The following TNNC2 variants were observed in gnomAD, a reference collection of about 807,000 sequenced individuals.
TNNC2 encodes the protein troponin C2, fast skeletal type.
Under a neutral mutation model 20.0 loss-of-function variants are expected in TNNC2, and 14 were observed. The observed-to-expected ratio is 0.70, with a 90% CI of 0.46 to 1.09. The LOEUF (loss-of-function observed/expected upper bound fraction) is 1.09, where lower values mean the gene tolerates loss of function less well. Among genes scored for constraint, TNNC2 ranks in the 50% least tolerant of loss-of-function variants. The pLI is 0.00. For synonymous variants in TNNC2, 81 were observed against 77.3 expected, an observed-to-expected ratio of 1.05 and a Z score of -0.25; for missense variants, 163 against 223.8, an observed-to-expected ratio of 0.73 and a Z score of 1.73.
chr20:45,824,978 G>T, intron 1 of TNNC2, 144 bp from the exon 2 acceptor site: 2 of 870,916 alleles, frequency 2.3e-6, no homozygotes, highest in Non-Finnish European at 3.7e-6. Flanking sequence ...ATAATTGTGT[G>T]CCCGCACAGC....
intron 1 of TNNC2, among the ~76,000 whole-genome samples, 173 bp from the exon 2 acceptor site, chr20:45,825,007 TTTG>T (rs1982931276): frequency 6.6e-6 from 1 of 152,172 alleles, no homozygotes; most frequent in South Asian, 2.1e-4. Flanking sequence ...ACAGTTTTGT[TTTG>T]TCTCGTTCTG....
At chr20:45,825,254 G>T (rs1333805532) in intron 1 of TNNC2, among the ~76,000 whole-genome samples, 1 of 152,118 alleles carries the variant, frequency 6.6e-6, no homozygotes, top group Admixed American at 6.5e-5. Context: ...TAGGATTACA[G>T]GCTTGAGCCA....
chr20:45,827,323 G>T (rs1982999064), upstream of TNNC2: 1 of 1,604,098 alleles, frequency 6.2e-7, no homozygotes, highest in Non-Finnish European at 8.5e-7. Flanking sequence ...GACCTGGCCT[G>T]CTCTAGCCCC....
upstream of TNNC2, chr20:45,827,447 T>C (rs1465126602): frequency 5.0e-5 from 31 of 622,440 alleles, no homozygotes. Context: ...TCTGAACCCA[T>C]TACCTAATTT....
rs942535133 is a variant in TNNC2, at chr20:45,823,290, G to A, written c.*58C>T. 63 of 1,493,936 alleles carry A rather than the reference G, an allele frequency of 4.2e-5. No homozygotes were observed. The Admixed American group carries it at 1.2e-3, about 28-fold the overall frequency. The allele number at this position is 1,493,936 out of a possible 1,614,324, so 92.5% of individuals were successfully genotyped here. A position where few individuals can be genotyped will look rare whatever the true frequency, so the allele number is the denominator to read the frequency against. Reference sequence around the variant, plus strand: ...CGCCTCCCTGGTGGGGACCCGGCAGGGCGGAGTCTCCCACACCCTAGGGAC... The same window carrying A: ...CGCCTCCCTGGTGGGGACCCGGCAGAGCGGAGTCTCCCACACCCTAGGGAC... On this transcript the variant is annotated 3_prime_UTR_variant, in exon 6 of 6. Coordinates refer to ENST00000372555, the MANE Select transcript of TNNC2 (RefSeq NM_003279.3). This position sits in a 1 kb window ranked among gnomAD's most constrained non-coding sequence, Gnocchi z 4.6.
Position 45,823,547 on chromosome 20 carries a change from T to G in TNNC2, c.452-168A>C, listed in dbSNP as rs1032973827. Among the ~76,000 whole-genome samples, 1 of 152,148 alleles carries G rather than the reference T, an allele frequency of 6.6e-6. No homozygotes were observed. The highest frequency in any genetic ancestry group is 2.4e-5 in the African/African-American group (1 of 41,438). On this transcript the variant is annotated intron_variant, in intron 5 of 5. Coordinates refer to ENST00000372555, the MANE Select transcript of TNNC2 (RefSeq NM_003279.3). The surrounding 1 kb of genome is among the most constrained non-coding windows in gnomAD (Gnocchi z 4.6). ...GTCTGTCACCCAGGCTAGAGTGCAG[T>G]GGCACAATCATAACTCATTGCAGCC...
At position 45,823,449 on chromosome 20, in the gene TNNC2, C is replaced by T. The variant is rs1047483525; in HGVS notation, c.452-70G>A. 9.7e-6 allele frequency: 14 copies of T among 1,449,556 alleles called. No individual in the cohort carries two copies. In the Admixed American group the frequency reaches 2.2e-4, roughly 23 times the overall value. The allele number at this position is 1,449,556 out of a possible 1,614,324, so 89.8% of individuals were successfully genotyped here. On this transcript the variant is annotated intron_variant, in intron 5 of 5. Coordinates refer to ENST00000372555, the MANE Select transcript of TNNC2 (RefSeq NM_003279.3). This position sits in a 1 kb window ranked among gnomAD's most constrained non-coding sequence, Gnocchi z 4.6. Reference sequence around the variant, plus strand: ...GCAGAGGCCAGGCCAGGGCTCCAGCCACACAGAGGGGATGACTTTTTGTTT... The same window carrying T: ...GCAGAGGCCAGGCCAGGGCTCCAGCTACACAGAGGGGATGACTTTTTGTTT...
At chr20:45,826,005 A>ACCCCCCCCCCCCCCCCCC (rs111300154) in intron 1 of TNNC2, among the ~76,000 whole-genome samples, 1 of 144,010 alleles carries the variant, frequency 6.9e-6, no homozygotes, top group African/African-American at 2.7e-5. Context: ...CAAGTCGGGA[A>ACCCCCCCCCCCCCCCCCC]CCCCCCCCAC....
upstream of TNNC2, among the ~76,000 whole-genome samples, chr20:45,832,101 C>T (rs117728211): frequency 9.5e-3 from 1,447 of 152,250 alleles, 21 homozygotes; most frequent in South Asian, 0.05. Flanking sequence ...CACTTGAGGC[C>T]AGGTGTTCCA....
Position 45,824,058 on chromosome 20 carries a change from C to G in TNNC2, c.384G>C (p.Thr128=), listed in dbSNP as rs4629. 6.2e-7 allele frequency: 1 copy of G among 1,613,850 alleles called. No homozygotes were observed. The change falls in exon 5 of 6, where the codon ACG becomes ACC. Residue 128 remains threonine, a synonymous_variant. Transcript: ENST00000372555. The stretch of plus-strand genomic sequence containing the variant: ...TCATCAGAGATTCGATCTCCTCGTC[C>G]GTCACGTGCTCCCCGGAGGCCCTGA... ...EIFRASGEHV[T]DEEIESLMKD...
intron 1 of TNNC2, among the ~76,000 whole-genome samples, chr20:45,825,416 C>T (rs1395511168): frequency 1.3e-5 from 2 of 152,134 alleles, no homozygotes; most frequent in Non-Finnish European, 2.9e-5. Context: ...CTCAGCCTCT[C>T]GAGTAGCTGG....
upstream of TNNC2, among the ~76,000 whole-genome samples, chr20:45,829,913 C>G (rs1198500642): frequency 6.6e-6 from 1 of 151,776 alleles, no homozygotes; most frequent in African/African-American, 2.4e-5. Flanking sequence ...AGCCTTTGTT[C>G]TTTTGTTTAT....
At position 45,823,266 on chromosome 20, in the gene TNNC2, G is replaced by A. The variant is rs926022368; in HGVS notation, c.*82C>T. ...CAGACAAAGACCCACAAGGGGTCGCGCCTCCCTGGTGGGGACCCGGCAGGG... is the reference window on the plus strand; with the variant it reads ...CAGACAAAGACCCACAAGGGGTCGCACCTCCCTGGTGGGGACCCGGCAGGG... On this transcript the variant is annotated 3_prime_UTR_variant, in exon 6 of 6. Transcript: ENST00000372555. This position sits in a 1 kb window ranked among gnomAD's most constrained non-coding sequence, Gnocchi z 4.6. The A allele has an allele frequency of 6.0e-6, 8 of 1,343,902 alleles. No homozygotes were observed. The highest frequency in any genetic ancestry group is 8.0e-6 in the Non-Finnish European group (8 of 995,318). The allele number at this position is 1,343,902 out of a possible 1,614,324, so 83.2% of individuals were successfully genotyped here.
upstream of TNNC2, among the ~76,000 whole-genome samples, chr20:45,831,383 C>A (rs1434318304): frequency 2.6e-5 from 4 of 152,192 alleles, no homozygotes; most frequent in African/African-American, 9.7e-5. Context: ...TCGAGACCAG[C>A]CTGGCCAACA....
intron 1 of TNNC2, among the ~76,000 whole-genome samples, chr20:45,825,301 T>G (rs2145727257): frequency 6.6e-6 from 1 of 151,544 alleles, no homozygotes; most frequent in African/African-American, 2.4e-5. Context: ...TTGTTTTTGC[T>G]TTTTGTTTTT....
chr20:45,830,335 CAAAAAAAAAAAAA>C (rs781603612), upstream of TNNC2, among the ~76,000 whole-genome samples: 2 of 54,194 alleles, frequency 3.7e-5, no homozygotes, highest in Non-Finnish European at 8.2e-5. Flanking sequence ...GACTGCATCT[CAAAAAAAAAAAAA>C]AAAAAAAAAA....
Position 45,824,806 on chromosome 20 carries a change from T to G in TNNC2, c.32A>C (p.Tyr11Ser), listed in dbSNP as rs757123813. Residue 11 changes from tyrosine to serine, a missense_variant, in exon 2 of 6, where the codon TAC becomes TCC. Transcript: ENST00000372555. ...ACCAGCGATCATCTCTTCGCTGAGG[T>G]AGGACCTGGCCTCAGCCTGCTGGTC... is the stretch of plus-strand genomic sequence containing the variant. Reference protein sequence around the residue: MTDQQAEARSYLSEEMIAEFK... With the variant: MTDQQAEARSSLSEEMIAEFK... 6 of 1,609,992 alleles carry G rather than the reference T, an allele frequency of 3.7e-6. No individual in the cohort carries two copies. Among genetic ancestry groups the G allele is most frequent in the Non-Finnish European group, 5.1e-6 (6 of 1,178,728 alleles).
chr20:45,832,925 T>C (rs1018702947), intron 2 of TNNC2, among the ~76,000 whole-genome samples: 8 of 152,220 alleles, frequency 5.3e-5, no homozygotes. Context: ...GTGGATCACT[T>C]GAGCCCAGGA....
In TNNC2 at chr20:45,826,734, C is replaced by T. The variant is rs936376675; in HGVS notation, c.3+512G>A. On this transcript the variant is annotated intron_variant, in intron 1 of 5. Transcript: ENST00000372555. ...AAATCAGAAGCCCTCTCTAGGAGAGCGGAGTCTCTCTAACTCTGGTCTGTC... is the reference window on the plus strand; with the variant it reads ...AAATCAGAAGCCCTCTCTAGGAGAGTGGAGTCTCTCTAACTCTGGTCTGTC... Among the ~76,000 whole-genome samples, 28 of 152,222 alleles carry T rather than the reference C, an allele frequency of 1.8e-4. 1 individual carries two copies. The highest frequency in any genetic ancestry group is 5.8e-4 in the African/African-American group (24 of 41,460).
Sources: allele counts gnomAD v4.1 joint callset (sites outside exome capture counted in the v4.1 genomes callset), GRCh38; gene constraint gnomAD v4.1.1; non-coding constraint Gnocchi (gnomAD v3.1); transcripts MANE v1.5; gene names NCBI Gene and HGNC (gene_info 2026-07-23, HGNC 2026-07-21).